The following IL1RAPL2 variants were observed in gnomAD, a reference collection of about 807,000 sequenced individuals.
IL1RAPL2 encodes the protein interleukin 1 receptor accessory protein like 2, also known as X-linked interleukin-1 receptor accessory protein-like 2.
IL1RAPL2 carries 3 observed loss-of-function variants against 44.1 expected under a neutral mutation model. That is an observed-to-expected ratio of 0.07 (90% CI 0.03 to 0.18). IL1RAPL2 has a LOEUF of 0.18. Among genes scored for constraint, IL1RAPL2 ranks in the 10% least tolerant of loss-of-function variants. IL1RAPL2 has a pLI of 1.00. For missense variants in IL1RAPL2, 391 were observed against 496.4 expected (o/e 0.79, Z 2.02); for synonymous variants, 181 against 178.8 (o/e 1.01, Z -0.10).
intron 2 of IL1RAPL2, among the ~76,000 whole-genome samples, chrX:105,060,264 T>G (rs771872108): frequency 1.8e-5 from 2 of 112,197 alleles, no homozygotes; most frequent in South Asian, 7.6e-4. Context: ...CTTATCGTGT[T>G]GAGGTATACT....
intron 2 of IL1RAPL2, among the ~76,000 whole-genome samples, chrX:104,701,227 C>T (rs1022495666): frequency 3.6e-5 from 4 of 111,886 alleles, no homozygotes; most frequent in Non-Finnish European, 7.5e-5. Flanking sequence ...GTTGAATGCT[C>T]TACAATACAT....
chrX:105,711,563 C>T (rs2038211322), intron 6 of IL1RAPL2, among the ~76,000 whole-genome samples: 1 of 111,417 alleles, frequency 9.0e-6, no homozygotes, highest in Admixed American at 9.5e-5. Context: ...GCTCTTGGTC[C>T]CTCAAAACTT....
At position 105,406,183 on chromosome X, in the gene IL1RAPL2, T is replaced by C. The variant is rs73636223; in HGVS notation, c.698-78130T>C. ...GAGAAATCAATTTGTTTCCCTGAAT[T>C]CTAAGGAGCACTTTAGTGAATAAAG... On this transcript the variant is annotated intron_variant, in intron 5 of 10. Transcript: ENST00000372582. 0.014 allele frequency: 16,326 copies of C among 1,157,404 alleles called. 1,443 individuals carry two copies. The African/African-American group carries it at 0.26, about 18-fold the overall frequency.
intron 5 of IL1RAPL2, among the ~76,000 whole-genome samples, chrX:105,414,190 C>T (rs775099646): frequency 4.1e-4 from 45 of 110,524 alleles, no homozygotes; most frequent in African/African-American, 1.3e-3. Context: ...TGCAGTGGCG[C>T]GATCTCGGCT....
At chrX:105,554,789 T>C (rs1428779339) in intron 6 of IL1RAPL2, among the ~76,000 whole-genome samples, 2 of 112,067 alleles carry the variant, frequency 1.8e-5, no homozygotes, top group East Asian at 2.8e-4. Flanking sequence ...GTATCTGTTA[T>C]GTTCATATTT....
intron 2 of IL1RAPL2, among the ~76,000 whole-genome samples, chrX:104,971,677 G>A (rs961005358): frequency 1.8e-5 from 2 of 111,116 alleles, no homozygotes; most frequent in African/African-American, 6.6e-5. Context: ...CTGTGTTGGT[G>A]GCTAAATATT....
chrX:105,549,419 G>C (rs976678746), intron 6 of IL1RAPL2, among the ~76,000 whole-genome samples: 4 of 111,389 alleles, frequency 3.6e-5, no homozygotes, highest in Non-Finnish European at 7.5e-5. Context: ...GAGATGTGCT[G>C]CCCAGAAACC....
chrX:105,511,292 C>T (rs959447271), intron 6 of IL1RAPL2, among the ~76,000 whole-genome samples: 4 of 111,683 alleles, frequency 3.6e-5, no homozygotes, highest in African/African-American at 1.3e-4. Flanking sequence ...ACAAGGACAT[C>T]ATAAGTATGA....
chrX:105,233,753 T>G, intron 3 of IL1RAPL2, 65 bp from the exon 4 acceptor site: 1 of 926,498 alleles, frequency 1.1e-6, no homozygotes, highest in Non-Finnish European at 1.5e-6. Context: ...TCTTGAAATA[T>G]ATAGAGCACA....
intron 10 of IL1RAPL2, among the ~76,000 whole-genome samples, chrX:105,761,422 T>C (rs2038687516): frequency 9.0e-6 from 1 of 111,042 alleles, no homozygotes; most frequent in South Asian, 3.8e-4. Flanking sequence ...TTTAGAATCA[T>C]TATATAAAAC....
At chrX:105,607,081 A>T (rs2037298504) in intron 6 of IL1RAPL2, among the ~76,000 whole-genome samples, 2 of 111,761 alleles carry the variant, frequency 1.8e-5, no homozygotes, top group African/African-American at 6.5e-5. Context: ...GTTTGAGGTG[A>T]TGGATATGCT....
chrX:105,525,784 T>C (rs1344874472), intron 6 of IL1RAPL2, among the ~76,000 whole-genome samples: 1 of 111,566 alleles, frequency 9.0e-6, no homozygotes, highest in East Asian at 2.8e-4. Flanking sequence ...TCTCCTTCTC[T>C]TATTCCCTCT....
intron 2 of IL1RAPL2, among the ~76,000 whole-genome samples, chrX:104,684,871 G>T (rs748431093): frequency 2.7e-5 from 3 of 112,449 alleles, no homozygotes; most frequent in East Asian, 5.6e-4. Flanking sequence ...TGCCCAAAAA[G>T]CTGTGGCAGC....
chrX:105,740,664 C>T lies in IL1RAPL2; in HGVS notation c.1021C>T (p.His341Tyr). Residue 341 changes from histidine (H) to tyrosine (Y), a missense_variant, in exon 8 of 11, where the codon CAT (histidine) becomes TAT (tyrosine). Coordinates refer to ENST00000372582, the MANE Select transcript of IL1RAPL2 (RefSeq NM_017416.2). ...TGTTGAAAACCGAAATGGACGGAAACATGCCAGTGTTTTGCTGCGTAAAAA... is the reference window on the plus strand; with the variant it reads ...TGTTGAAAACCGAAATGGACGGAAATATGCCAGTGTTTTGCTGCGTAAAAA... Reference protein sequence around the residue: ...CHVENRNGRKHASVLLRKKDL... With the variant: ...CHVENRNGRKYASVLLRKKDL... 8.3e-7 allele frequency: 1 copy of T among 1,209,050 alleles called. No homozygotes were observed. The highest frequency in any genetic ancestry group is 1.7e-5 in the African/African-American group (1 of 57,802).
chrX:104,616,405 A>G (rs932252747), intron 1 of IL1RAPL2, among the ~76,000 whole-genome samples: 3 of 112,284 alleles, frequency 2.7e-5, no homozygotes, highest in Non-Finnish European at 5.6e-5. Context: ...CATAGTTTAT[A>G]GTTTAATATG....
At chrX:104,964,104 A>G (rs1046769752) in intron 2 of IL1RAPL2, among the ~76,000 whole-genome samples, 2 of 110,451 alleles carry the variant, frequency 1.8e-5, no homozygotes, top group Middle Eastern at 9.3e-3. Context: ...AAATTGCCCA[A>G]TAACTGCTTT....
rs189074861 is a variant in IL1RAPL2 at position 104,588,181 on chromosome X, C to A, written c.-20+21130C>A. Among the ~76,000 whole-genome samples the A allele has an allele frequency of 7.6e-4, 85 of 111,227 alleles. 1 individual carries two copies. The highest frequency in any genetic ancestry group is 2.4e-3 in the African/African-American group (73 of 30,589). On this transcript the variant is annotated intron_variant, in intron 1 of 10. Transcript: ENST00000372582. ...CTATAGCATTTTGAAAACCCACTAA[C>A]CACTAAGTTGTGCGTGACTTAATGA...
chrX:105,658,585 G>A (rs1431090682), intron 6 of IL1RAPL2, among the ~76,000 whole-genome samples: 3 of 111,194 alleles, frequency 2.7e-5, no homozygotes, highest in African/African-American at 6.6e-5. Flanking sequence ...AGCAATTTGG[G>A]AGGCCAAAGC....
intron 6 of IL1RAPL2, among the ~76,000 whole-genome samples, chrX:105,646,973 T>G (rs913261880): frequency 8.9e-6 from 1 of 112,464 alleles, no homozygotes; most frequent in African/African-American, 3.2e-5. Context: ...TTCTCTGACT[T>G]GGGGTTCTTG....
Sources: gnomAD v4.1 joint callset for allele counts (sites outside exome capture counted in the v4.1 genomes callset) on GRCh38, gnomAD v4.1.1 for gene constraint, MANE v1.5 for transcripts, NCBI Gene and HGNC (gene_info 2026-07-23, HGNC 2026-07-21) for gene names.